Variants in DNASE1L3 observed in about 807,000 individuals in gnomAD.
DNASE1L3 encodes deoxyribonuclease gamma.
Under a neutral mutation model 30.9 loss-of-function variants are expected in DNASE1L3, and 27 were observed. The observed-to-expected ratio is 0.87, with a 90% CI of 0.64 to 1.20. The LOEUF (loss-of-function observed/expected upper bound fraction) is 1.20, where lower values mean the gene tolerates loss of function less well. DNASE1L3 is among the 50% of genes most tolerant of loss of function. DNASE1L3 has a pLI of 0.00. For missense variants in DNASE1L3, 364 were observed against 378.2 expected (o/e 0.96, Z 0.31); for synonymous variants, 135 against 138.0 (o/e 0.98, Z 0.15).
chr3:58,196,572 A>G (rs2107369261), intron 6 of DNASE1L3, among the ~76,000 whole-genome samples: 1 of 150,784 alleles, frequency 6.6e-6, no homozygotes, highest in Non-Finnish European at 1.5e-5. Context: ...AAAAAAAAAA[A>G]AAAAACTCCG....
chr3:58,205,075 A>G (rs552389805), intron 3 of DNASE1L3, among the ~76,000 whole-genome samples, 194 bp from the exon 4 acceptor site: 1 of 152,320 alleles, frequency 6.6e-6, no homozygotes, highest in African/African-American at 2.4e-5. Flanking sequence ...GGAGCTGAAG[A>G]TCTGAGCCAT....
At chr3:58,209,224 T>G (rs2097406092) in intron 1 of DNASE1L3, among the ~76,000 whole-genome samples, 1 of 152,052 alleles carries the variant, frequency 6.6e-6, no homozygotes, top group African/African-American at 2.4e-5. Context: ...CTTGGTAGGA[T>G]GGGGAGGGTG....
At chr3:58,194,342 A>G (rs2107366566) in intron 6 of DNASE1L3, among the ~76,000 whole-genome samples, 1 of 85,902 alleles carries the variant, frequency 1.2e-5, no homozygotes, top group South Asian at 3.3e-4. Flanking sequence ...TTTTTTTGAG[A>G]CACAGTCATG....
intron 5 of DNASE1L3, among the ~76,000 whole-genome samples, chr3:58,199,198 A>C (rs2097399104): frequency 6.6e-6 from 1 of 152,182 alleles, no homozygotes; most frequent in Admixed American, 6.5e-5. Context: ...TAATATAGAC[A>C]TGATTTGCTG....
At chr3:58,195,785 C>CA (rs1180991431) in intron 6 of DNASE1L3, among the ~76,000 whole-genome samples, 8 of 147,780 alleles carry the variant, frequency 5.4e-5, no homozygotes, top group African/African-American at 1.0e-4. Context: ...GACTCTGTCT[C>CA]AAAAAAAAGA....
chr3:58,193,590 C>T (rs539444832), intron 6 of DNASE1L3, 151 bp from the exon 7 acceptor site: 4 of 640,638 alleles, frequency 6.2e-6, no homozygotes, highest in South Asian at 1.9e-5. Context: ...GCCTGTGACC[C>T]CAAAGGACAG....
Position 58,193,655 on chromosome 3 carries a change from A to G in DNASE1L3, c.705-216T>C, listed in dbSNP as rs1475637416. Among the ~76,000 whole-genome samples the G allele has an allele frequency of 2.0e-5, 3 of 152,394 alleles. No individual in the cohort carries two copies. In the East Asian group the frequency reaches 5.8e-4, roughly 29 times the overall value. On this transcript the variant is annotated intron_variant, in intron 6 of 7. Transcript: ENST00000394549. ...CTGCCATGGTTCTGTGGACACCAGG[A>G]CACTGTCTCCCAGTGTGGGCAATGT... is the stretch of plus-strand genomic sequence containing the variant.
intron 2 of DNASE1L3, among the ~76,000 whole-genome samples, chr3:58,207,176 G>C (rs767598292): frequency 4.6e-5 from 7 of 152,114 alleles, no homozygotes; most frequent in Non-Finnish European, 1.0e-4. Context: ...TTTAAGGCCA[G>C]CCTGGGCAAC....
chr3:58,205,618 T>C, intron 2 of DNASE1L3, 58 bp from the exon 3 acceptor site: 1 of 1,437,030 alleles, frequency 7.0e-7, no homozygotes, highest in Non-Finnish European at 9.8e-7. Flanking sequence ...CTACTGTACA[T>C]GTTCCTTTCT....
intron 1 of DNASE1L3, among the ~76,000 whole-genome samples, chr3:58,210,122 G>C (rs572378171): frequency 2.9e-4 from 43 of 150,240 alleles, no homozygotes; most frequent in African/African-American, 1.0e-3. Context: ...ATGGGAGAGA[G>C]AAGGAAGGAA....
chr3:58,194,526 G>A (rs756180061), intron 6 of DNASE1L3, among the ~76,000 whole-genome samples: 10 of 151,012 alleles, frequency 6.6e-5, no homozygotes, highest in Non-Finnish European at 1.3e-4. Flanking sequence ...ATCCCTGTTG[G>A]CCAGGCTGGT....
intron 1 of DNASE1L3, among the ~76,000 whole-genome samples, chr3:58,210,184 GAAGAAGAAAGAAAAGACAGA>G (rs1399766338): frequency 6.9e-6 from 1 of 144,364 alleles, no homozygotes; most frequent in Non-Finnish European, 1.5e-5. Flanking sequence ...AAAGAGAAAG[GAAGAAGAAAGAAAAGACAGA>G]AAGAAGAAAG....
chr3:58,198,127 G>A (rs1273169549), intron 5 of DNASE1L3, 149 bp from the exon 6 acceptor site: 11 of 875,404 alleles, frequency 1.3e-5, no homozygotes, highest in African/African-American at 3.4e-5. Flanking sequence ...CTCCCGCCCC[G>A]GCCAAATTCC....
intron 3 of DNASE1L3, among the ~76,000 whole-genome samples, chr3:58,205,258 G>A (rs1399276361): frequency 6.6e-6 from 1 of 152,214 alleles, no homozygotes; most frequent in Non-Finnish European, 1.5e-5. Flanking sequence ...CAACCATGGA[G>A]CCAACCAACA....
Position 58,197,700 on chromosome 3 carries a change from A to T in DNASE1L3, c.704+121T>A. On this transcript the variant is annotated intron_variant, in intron 6 of 7. Coordinates refer to ENST00000394549, the MANE Select transcript of DNASE1L3 (RefSeq NM_004944.4). The surrounding 1 kb of genome is among the most constrained non-coding windows in gnomAD (Gnocchi z 5.3). The stretch of plus-strand genomic sequence containing the variant: ...ACTCCTGTACTCAAGCGATCCATCC[A>T]TCGAGGCCTCCCAAAGTGCTAGGAC... 1 of 1,362,678 alleles carries T rather than the reference A, an allele frequency of 7.3e-7. No homozygotes were observed. The highest frequency in any genetic ancestry group is 1.8e-5 in the Admixed American group (1 of 55,062). 84.4% of individuals were successfully genotyped at this position (1,362,678 alleles called of 1,614,324 possible). A position where few individuals can be genotyped will look rare whatever the true frequency, so the allele number is the denominator to read the frequency against.
At chr3:58,204,396 C>T (rs999091707) in intron 4 of DNASE1L3, among the ~76,000 whole-genome samples, 5 of 152,178 alleles carry the variant, frequency 3.3e-5, no homozygotes, top group Admixed American at 1.3e-4. Flanking sequence ...CTGCCTCAGC[C>T]TCCCAAAGTG....
chr3:58,208,021 T>C, intron 2 of DNASE1L3, 197 bp downstream of exon 2: 1 of 506,742 alleles, frequency 2.0e-6, no homozygotes, highest in Non-Finnish European at 3.5e-6. Flanking sequence ...ATTTCCCCTA[T>C]TCTATTTTAT....
At chr3:58,201,577 T>A (rs1267728805) in intron 4 of DNASE1L3, among the ~76,000 whole-genome samples, 2 of 152,280 alleles carry the variant, frequency 1.3e-5, no homozygotes, top group African/African-American at 4.8e-5. Flanking sequence ...AAGATATTTG[T>A]GCTGGACATT....
intron 3 of DNASE1L3, 133 bp downstream of exon 3, chr3:58,205,338 T>G: frequency 1.2e-6 from 1 of 817,566 alleles, no homozygotes; most frequent in Non-Finnish European, 2.1e-6. Flanking sequence ...CCCCTAGTTT[T>G]GACAGCAATT....
Sources: allele counts gnomAD v4.1 joint callset (sites outside exome capture counted in the v4.1 genomes callset), GRCh38; gene constraint gnomAD v4.1.1; non-coding constraint Gnocchi (gnomAD v3.1); transcripts MANE v1.5; gene names NCBI Gene and HGNC (gene_info 2026-07-23, HGNC 2026-07-21).